The following C2orf72 variants were observed in gnomAD, a reference collection of about 807,000 sequenced individuals.
The protein encoded by C2orf72 is chromosome 2 open reading frame 72.
Under a neutral mutation model 14.4 loss-of-function variants are expected in C2orf72, and 16 were observed. The ratio of observed to expected loss-of-function variants is 1.11; its 90% CI spans 0.75 to 1.69. The LOEUF is 1.69. Among genes scored for constraint, C2orf72 ranks in the 40% most tolerant of loss-of-function variants. The pLI, the probability that C2orf72 is intolerant of heterozygous loss-of-function variation, is 0.00. For missense variants in C2orf72, 371 were observed against 358.3 expected, an observed-to-expected ratio of 1.04 and a Z score of -0.29; for synonymous variants, 168 against 176.8, an observed-to-expected ratio of 0.95 and a Z score of 0.40.
intron 1 of C2orf72, 92 bp from the exon 2 acceptor site, chr2:231,041,204 C>T (rs1000862534): frequency 2.4e-5 from 21 of 880,448 alleles, no homozygotes; most frequent in East Asian, 8.7e-5. Flanking sequence ...GGCAGTTGAC[C>T]GTTGGGGCAC....
intron 1 of C2orf72, 105 bp downstream of exon 1, chr2:231,038,304 T>C: frequency 1.1e-6 from 1 of 931,460 alleles, no homozygotes; most frequent in Non-Finnish European, 1.3e-6. Context: ...CGAGGTAAAC[T>C]GAGGCTCAGA....
At position 231,038,152 on chromosome 2, in the gene C2orf72, A is replaced by T; in HGVS notation, c.587A>T (p.Gln196Leu). The stretch of plus-strand genomic sequence containing the variant: ...CTCCCGGCCTCCTGCCTGGCCGTCC[A>T]GGCGGCCGCCTGCAGGGCCCTGCAA... ...PGLPASCLAV[Q>L]AAACRALQAA... is the part of the protein sequence containing the mutation. The change falls in exon 1 of 3, where the codon CAG becomes CTG. Residue 196 changes from glutamine (Q) to leucine (L), a missense_variant. By Grantham distance (113) the Gln-to-Leu change is moderately radical. This residue lies in a region of C2orf72 where 145 missense variants were observed against 149.4 expected (regional missense o/e 0.97). Transcript: ENST00000373640. 1 of 1,159,644 alleles carries T rather than the reference A, an allele frequency of 8.6e-7. No individual in the cohort carries two copies. The highest frequency in any genetic ancestry group is 1.1e-6 in the Non-Finnish European group (1 of 943,734). The allele number at this position is 1,159,644 out of a possible 1,614,324, so 71.8% of individuals were successfully genotyped here. A position where few individuals can be genotyped will look rare whatever the true frequency, so the allele number is the denominator to read the frequency against.
At position 231,038,147 on chromosome 2, in the gene C2orf72, C is replaced by A; in HGVS notation, c.582C>A (p.Ala194=). 2 of 1,190,880 alleles carry A rather than the reference C, an allele frequency of 1.7e-6. No individual in the cohort carries two copies. The highest frequency in any genetic ancestry group is 4.2e-5 in the South Asian group (1 of 23,968). 73.8% of individuals were successfully genotyped at this position (1,190,880 alleles called of 1,614,324 possible). A position where few individuals can be genotyped will look rare whatever the true frequency, so the allele number is the denominator to read the frequency against. ...CCGGCCTCCCGGCCTCCTGCCTGGC[C>A]GTCCAGGCGGCCGCCTGCAGGGCCC... ...YCPGLPASCL[A]VQAAACRALQ... The change falls in exon 1 of 3, where the codon GCC becomes GCA. Residue 194 remains alanine (A), a synonymous_variant. Transcript: ENST00000373640.
chr2:231,038,236 C>A, intron 1 of C2orf72, 37 bp downstream of exon 1: 2 of 1,176,438 alleles, frequency 1.7e-6, no homozygotes, highest in Non-Finnish European at 2.1e-6. Flanking sequence ...CGCGGGCGGG[C>A]GGTGGCTCGG....
intron 2 of C2orf72, among the ~76,000 whole-genome samples, chr2:231,045,290 TAGAG>T (rs978364322): frequency 2.7e-5 from 4 of 147,994 alleles, no homozygotes; most frequent in African/African-American, 4.9e-5. Context: ...TTTATATATA[TAGAG>T]AGAGAGAGAG....
intron 1 of C2orf72, 118 bp downstream of exon 1, chr2:231,038,317 A>C: frequency 1.2e-6 from 1 of 842,850 alleles, no homozygotes; most frequent in Non-Finnish European, 1.5e-6. Context: ...GGCTCAGAGC[A>C]GGGAGGTGCC....
At chr2:231,038,831 C>A (rs1057182832) in intron 1 of C2orf72, among the ~76,000 whole-genome samples, 1 of 152,104 alleles carries the variant, frequency 6.6e-6, no homozygotes, top group Non-Finnish European at 1.5e-5. Context: ...CCCACCAAGG[C>A]TGTGCACCCA....
At position 231,039,321 on chromosome 2, in the gene C2orf72, T is replaced by TAA. The variant is rs11462715; in HGVS notation, c.634+1139_634+1140dup. Among the ~76,000 whole-genome samples, 956 of 126,820 alleles carry TAA rather than the reference T, an allele frequency of 7.5e-3. 11 individuals are homozygous for TAA. The highest frequency in any genetic ancestry group is 0.027 in the East Asian group (114 of 4,268). The allele number at this position is 126,820 out of a possible 152,430, so 83.2% of individuals were successfully genotyped here. On this transcript the variant is annotated intron_variant, in intron 1 of 2. Coordinates refer to ENST00000373640, the MANE Select transcript of C2orf72 (RefSeq NM_001144994.2). Reference sequence around the variant, plus strand: ...ACATGTACCCTAAAACTTAAAGTATTAAAAAAAAAAAAAAAAAAGAGTAGC... The same window carrying TAA: ...ACATGTACCCTAAAACTTAAAGTATTAAAAAAAAAAAAAAAAAAAAGAGTAGC...
At chr2:231,042,001 A>G (rs1693349204) in intron 2 of C2orf72, among the ~76,000 whole-genome samples, 1 of 152,020 alleles carries the variant, frequency 6.6e-6, no homozygotes, top group African/African-American at 2.4e-5. Flanking sequence ...TTCTGAGCAG[A>G]GAGATTGGGG....
At chr2:231,044,843 A>T (rs188153900) in intron 2 of C2orf72, among the ~76,000 whole-genome samples, 1 of 149,642 alleles carries the variant, frequency 6.7e-6, no homozygotes, top group East Asian at 1.9e-4. Context: ...ATGATAAACA[A>T]TGCCTTCTTC....
chr2:231,041,460 T>C, intron 2 of C2orf72, 51 bp downstream of exon 2: 1 of 1,398,656 alleles, frequency 7.1e-7, no homozygotes, highest in Non-Finnish European at 9.9e-7. Context: ...CATGGAATTA[T>C]GGGAGTGGTC....
Position 231,037,998 on chromosome 2 carries a change from G to T in C2orf72, c.433G>T (p.Val145Leu). The T allele has an allele frequency of 9.6e-7, 1 of 1,045,394 alleles. No homozygotes were observed. The highest frequency in any genetic ancestry group is 1.1e-6 in the Non-Finnish European group (1 of 872,454). 64.8% of individuals were successfully genotyped at this position (1,045,394 alleles called of 1,614,324 possible). The change falls in exon 1 of 3, where the codon GTG becomes TTG. Residue 145 changes from valine (V) to leucine (L), a missense_variant. By Grantham distance (32) the Val-to-Leu change is conservative (BLOSUM62 1). This residue lies in a region of C2orf72 where 214 missense variants were observed against 178.7 expected (regional missense o/e 1.20). Coordinates refer to ENST00000373640, the MANE Select transcript of C2orf72 (RefSeq NM_001144994.2). ...GCGGGCCGGGGCGGCGCTGGTCGGG[G>T]TGCTGGTGGCCGAGGCCGGGCCAGA... is the stretch of plus-strand genomic sequence containing the variant. ...RRRAGAALVG[V>L]LVAEAGPEDA...
chr2:231,037,917 G>T lies in C2orf72; in HGVS notation c.352G>T (p.Ala118Ser). 1 of 1,026,242 alleles carries T rather than the reference G, an allele frequency of 9.7e-7. No homozygotes were observed. Among genetic ancestry groups the T allele is most frequent in the South Asian group, 3.7e-5 (1 of 27,254 alleles). 63.6% of individuals were successfully genotyped at this position (1,026,242 alleles called of 1,614,324 possible). A position where few individuals can be genotyped will look rare whatever the true frequency, so the allele number is the denominator to read the frequency against. ...FVLCRASSLAAREPRRRLREM... is the reference protein window; with the variant it reads ...FVLCRASSLASREPRRRLREM... ...GCTGTGCCGCGCGTCGTCGCTGGCC[G>T]CCCGGGAGCCGCGGCGCCGCCTGCG... The change falls in exon 1 of 3, where the codon GCC becomes TCC. Residue 118 changes from alanine to serine, a missense_variant. This residue lies in a region of C2orf72 where 214 missense variants were observed against 178.7 expected (regional missense o/e 1.20). Transcript: ENST00000373640.
chr2:231,038,771 G>T (rs1419302383), intron 1 of C2orf72, among the ~76,000 whole-genome samples: 1 of 152,066 alleles, frequency 6.6e-6, no homozygotes, highest in Admixed American at 6.5e-5. Flanking sequence ...GACTTGACGT[G>T]TGGGGAGGTG....
chr2:231,037,971 C>G lies in C2orf72; in HGVS notation c.406C>G (p.Arg136Gly), dbSNP rs967600915. ...GATGCTGCGGGACGTGCGCGGCCGG[C>G]GGCGGGCCGGGGCGGCGCTGGTCGG... ...REMLRDVRGRRRAGAALVGVL... is the reference protein window; with the variant it reads ...REMLRDVRGRGRAGAALVGVL... The change falls in exon 1 of 3, where the codon CGG (arginine) becomes GGG (glycine). Residue 136 changes from arginine (R) to glycine (G), a missense_variant. Coordinates refer to ENST00000373640, the MANE Select transcript of C2orf72 (RefSeq NM_001144994.2). The G allele has an allele frequency of 2.3e-5, 24 of 1,022,194 alleles. No homozygotes were observed. The highest frequency in any genetic ancestry group is 2.8e-5 in the Non-Finnish European group (24 of 860,242). The allele number at this position is 1,022,194 out of a possible 1,614,324, so 63.3% of individuals were successfully genotyped here. A position where few individuals can be genotyped will look rare whatever the true frequency, so the allele number is the denominator to read the frequency against.
intron 2 of C2orf72, among the ~76,000 whole-genome samples, chr2:231,041,870 C>A (rs1302062692): frequency 6.6e-6 from 1 of 152,054 alleles, no homozygotes; most frequent in South Asian, 2.1e-4. Context: ...GGACCACCTT[C>A]GAGAGGCCCT....
chr2:231,048,946 C>G lies in C2orf72; in HGVS notation c.*1925C>G, dbSNP rs928176121. 7 of 152,072 alleles carry G rather than the reference C, an allele frequency of 4.6e-5. No homozygotes were observed. Among genetic ancestry groups the G allele is most frequent in the African/African-American group, 1.7e-4 (7 of 41,400 alleles). The allele number at this position is 152,072 out of a possible 1,614,324, so 9.4% of individuals were successfully genotyped here. On this transcript the variant is annotated 3_prime_UTR_variant, in exon 3 of 3. Coordinates refer to ENST00000373640, the MANE Select transcript of C2orf72 (RefSeq NM_001144994.2). ...TTTTCTTATTTAGTGGGAGAGGGAG[C>G]TTTGTTTAAGTTTGGAATTTGCCTA...
intron 2 of C2orf72, among the ~76,000 whole-genome samples, chr2:231,046,285 C>G (rs1315731275): frequency 7.0e-6 from 1 of 142,410 alleles, no homozygotes; most frequent in African/African-American, 2.7e-5. Context: ...AATTTTACTT[C>G]TATGCAGTGT....
Position 231,037,850 on chromosome 2 carries a change from G to T in C2orf72, c.285G>T (p.Ala95=), listed in dbSNP as rs1478742525. 1 of 979,252 alleles carries T rather than the reference G, an allele frequency of 1.0e-6. No homozygotes were observed. The highest frequency in any genetic ancestry group is 4.6e-5 in the South Asian group (1 of 21,940). The allele number at this position is 979,252 out of a possible 1,614,324, so 60.7% of individuals were successfully genotyped here. Residue 95 remains alanine, a synonymous_variant, in exon 1 of 3, where the codon GCG becomes GCT. Coordinates refer to ENST00000373640, the MANE Select transcript of C2orf72 (RefSeq NM_001144994.2). ...AARAAGAAGA[A]AAAARAIRSP... is the part of the protein sequence containing the mutation. ...GGGCGGCTGGGGCGGCGGGGGCGGC[G>T]GCGGCGGCGGCGCGCGCCATCCGCT...
Sources: gnomAD v4.1 joint callset for allele counts (sites outside exome capture counted in the v4.1 genomes callset) on GRCh38, gnomAD v4.1.1 for gene constraint, gnomAD v4.1.1 regional missense constraint, MANE v1.5 for transcripts, NCBI Gene and HGNC (gene_info 2026-07-23, HGNC 2026-07-21) for gene names.